The following SLIT2 variants were observed in gnomAD, a reference collection of about 807,000 sequenced individuals.
SLIT2 encodes the protein slit guidance ligand 2.
SLIT2 carries 41 observed loss-of-function variants against 185.7 expected under a neutral mutation model. The ratio of observed to expected loss-of-function variants is 0.22; its 90% CI spans 0.17 to 0.29. The LOEUF (loss-of-function observed/expected upper bound fraction) is 0.29. Among genes scored for constraint, SLIT2 ranks in the 10% least tolerant of loss-of-function variants. The pLI is 1.00. For synonymous variants in SLIT2, 693 were observed against 680.2 expected, an observed-to-expected ratio of 1.02 and a Z score of -0.29; for missense variants, 1,571 against 1,909.0, an observed-to-expected ratio of 0.82 and a Z score of 3.30.
In SLIT2 at chr4:20,350,582, A is replaced by G. The variant is rs567981443; in HGVS notation, c.395+81701A>G. ...TTCCTAAAATCCAGAAAACAAATGG[A>G]TTGAAAATATTAAGTACATCATTAT... is the stretch of plus-strand genomic sequence containing the variant. On this transcript the variant is annotated intron_variant, in intron 4 of 36. Transcript: ENST00000504154. Among the ~76,000 whole-genome samples the G allele has an allele frequency of 1.9e-3, 295 of 152,298 alleles. 1 individual carries two copies. Among genetic ancestry groups the G allele is most frequent in the Middle Eastern group, 6.8e-3 (2 of 294 alleles).
chr4:20,555,104 A>G (rs1018982518), intron 26 of SLIT2, among the ~76,000 whole-genome samples: 2 of 152,032 alleles, frequency 1.3e-5, no homozygotes, highest in Non-Finnish European at 2.9e-5. Flanking sequence ...ACTCATCATT[A>G]TTAGATGGAG....
At chr4:20,589,977 C>T (rs952139357) in intron 30 of SLIT2, among the ~76,000 whole-genome samples, 1 of 142,980 alleles carries the variant, frequency 7.0e-6, no homozygotes, top group Non-Finnish European at 1.5e-5. Flanking sequence ...ACGATCTCGG[C>T]TCACTACAAC....
chr4:20,581,576 C>G (rs747574087), intron 29 of SLIT2, among the ~76,000 whole-genome samples: 2 of 152,160 alleles, frequency 1.3e-5, no homozygotes, highest in Non-Finnish European at 2.9e-5. Context: ...TTCCCCCATG[C>G]TTATTCAGTC....
chr4:20,516,315 T>C (rs1720211129), intron 11 of SLIT2, among the ~76,000 whole-genome samples: 2 of 152,148 alleles, frequency 1.3e-5, no homozygotes, highest in Admixed American at 1.3e-4. Context: ...CAAAAAAATC[T>C]CTATCAGAGT....
At chr4:20,424,411 C>G (rs1220946582) in intron 4 of SLIT2, among the ~76,000 whole-genome samples, 1 of 151,996 alleles carries the variant, frequency 6.6e-6, no homozygotes, top group Non-Finnish European at 1.5e-5. Flanking sequence ...ATTCAAAAAG[C>G]CCATGAGTTT....
intron 5 of SLIT2, among the ~76,000 whole-genome samples, chr4:20,472,598 C>CGATATATATCGATATA (rs1243899697): frequency 1.3e-4 from 1 of 7,784 alleles, no homozygotes; most frequent in African/African-American, 6.0e-4. Flanking sequence ...AGATATATAT[C>CGATATATATCGATATA]TATAGATATA....
At chr4:20,356,951 G>A (rs924864684) in intron 4 of SLIT2, among the ~76,000 whole-genome samples, 27 of 152,046 alleles carry the variant, frequency 1.8e-4, no homozygotes, top group African/African-American at 6.0e-4. Context: ...AGTCTGTAGG[G>A]CGTGCAAGTT....
chr4:20,556,230 A>G (rs1020625709), intron 26 of SLIT2, among the ~76,000 whole-genome samples: 11 of 151,854 alleles, frequency 7.2e-5, no homozygotes, highest in African/African-American at 2.7e-4. Flanking sequence ...GTATATCATT[A>G]TTTTGTAAAG....
intron 4 of SLIT2, among the ~76,000 whole-genome samples, chr4:20,417,440 A>ATATATATATATACG (rs1727776651): frequency 4.2e-5 from 6 of 142,084 alleles, no homozygotes; most frequent in African/African-American, 1.5e-4. Context: ...GTGTGTGTAT[A>ATATATATATATACG]TATATATATA....
chr4:20,410,335 G>A (rs1179434315), intron 4 of SLIT2, among the ~76,000 whole-genome samples: 2 of 129,512 alleles, frequency 1.5e-5, no homozygotes, highest in African/African-American at 5.8e-5. Flanking sequence ...TGCAACCTCC[G>A]CCTCCCAGGT....
At chr4:20,451,549 G>A (rs1321759260) in intron 4 of SLIT2, among the ~76,000 whole-genome samples, 1 of 152,156 alleles carries the variant, frequency 6.6e-6, no homozygotes, top group African/African-American at 2.4e-5. Context: ...TAACATATAT[G>A]TTGGAGTTAT....
At chr4:20,437,884 C>T (rs1285685486) in intron 4 of SLIT2, among the ~76,000 whole-genome samples, 5 of 130,976 alleles carry the variant, frequency 3.8e-5, no homozygotes, top group Non-Finnish European at 7.7e-5. Context: ...CACTGCACTC[C>T]AGCCTGGGTG....
chr4:20,593,829 G>A (rs1454808288), intron 30 of SLIT2, among the ~76,000 whole-genome samples: 1 of 151,862 alleles, frequency 6.6e-6, no homozygotes, highest in Non-Finnish European at 1.5e-5. Context: ...TGAAGCCGGG[G>A]TACAAACACA....
intron 4 of SLIT2, among the ~76,000 whole-genome samples, chr4:20,295,947 T>C (rs916826228): frequency 3.3e-5 from 5 of 152,240 alleles, no homozygotes; most frequent in African/African-American, 1.2e-4. Context: ...AAAGGAGATA[T>C]TTGCACTTTA....
At chr4:20,283,220 T>C (rs1714960173) in intron 4 of SLIT2, among the ~76,000 whole-genome samples, 1 of 152,110 alleles carries the variant, frequency 6.6e-6, no homozygotes, top group African/African-American at 2.4e-5. Flanking sequence ...CCTCAGCCAA[T>C]TGAAGCACCA....
chr4:20,321,356 G>A (rs987045307), intron 4 of SLIT2, among the ~76,000 whole-genome samples: 3 of 152,128 alleles, frequency 2.0e-5, no homozygotes, highest in Non-Finnish European at 4.4e-5. Context: ...CTCTGTGGCT[G>A]GCCCTCACTA....
At chr4:20,537,591 T>C (rs567114440) in intron 18 of SLIT2, among the ~76,000 whole-genome samples, 1 of 152,304 alleles carries the variant, frequency 6.6e-6, no homozygotes, top group East Asian at 1.9e-4. Flanking sequence ...TGTATTTCTG[T>C]GGATGTTTTT....
At chr4:20,463,448 GATAT>G (rs56256520) in intron 4 of SLIT2, among the ~76,000 whole-genome samples, 2,585 of 66,838 alleles carry the variant, frequency 0.039, 53 homozygotes, top group African/African-American at 0.054. Context: ...CTCAAACTGT[GATAT>G]ATATATATAT....
intron 9 of SLIT2, among the ~76,000 whole-genome samples, chr4:20,499,298 A>G (rs971056996): frequency 2.6e-5 from 4 of 152,046 alleles, no homozygotes; most frequent in African/African-American, 7.2e-5. Flanking sequence ...TGTTGTAGGT[A>G]TATGTTGCAA....
Sources: allele counts gnomAD v4.1 joint callset (sites outside exome capture counted in the v4.1 genomes callset), GRCh38; gene constraint gnomAD v4.1.1; transcripts MANE v1.5; gene names NCBI Gene and HGNC (gene_info 2026-07-23, HGNC 2026-07-21).